The following VAPA variants were observed in gnomAD, a reference collection of about 807,000 sequenced individuals.
VAPA encodes the protein VAMP associated protein A.
A neutral mutation model predicts 25.6 loss-of-function variants in VAPA; 6 were observed. The observed-to-expected ratio is 0.23, with a 90% CI of 0.13 to 0.46. The LOEUF (loss-of-function observed/expected upper bound fraction) is 0.46, where lower values mean the gene tolerates loss of function less well. Among genes scored for constraint, VAPA ranks in the 20% least tolerant of loss-of-function variants. VAPA has a pLI of 0.99. For missense variants in VAPA, 244 were observed against 302.1 expected, an observed-to-expected ratio of 0.81 and a Z score of 1.43; for synonymous variants, 112 against 106.2, an observed-to-expected ratio of 1.05 and a Z score of -0.34.
intron 1 of VAPA, among the ~76,000 whole-genome samples, chr18:9,918,546 C>T (rs891795827): frequency 6.6e-6 from 1 of 152,160 alleles, no homozygotes; most frequent in Non-Finnish European, 1.5e-5. Context: ...ATTCTTCTGG[C>T]TTCTATAACA....
chr18:9,931,893 G>A lies in VAPA; in HGVS notation c.163G>A (p.Ala55Thr). ...RKVCFKVKTT[A>T]PRRYCVRPNS... ...AGTGTGTTTCAAAGTGAAGACTACA[G>A]CACCTCGCCGGTACTGTGTGAGGCC... The change falls in exon 2 of 6, where the codon GCA becomes ACA. Residue 55 changes from alanine to threonine, a missense_variant. By Grantham distance (58) the Ala-to-Thr change is moderately conservative. This residue lies in a region of VAPA where 99 missense variants were observed against 161.6 expected (regional missense o/e 0.61). Coordinates refer to ENST00000400000, the MANE Select transcript of VAPA (RefSeq NM_194434.3). 6.2e-7 allele frequency: 1 copy of A among 1,613,424 alleles called. No individual in the cohort carries two copies. Among genetic ancestry groups the A allele is most frequent in the Non-Finnish European group, 8.5e-7 (1 of 1,179,438 alleles).
At chr18:9,937,177 T>A (rs1172157741) in intron 4 of VAPA, 111 bp downstream of exon 4, 2 of 610,538 alleles carry the variant, frequency 3.3e-6, no homozygotes, top group Admixed American at 7.5e-5. Flanking sequence ...CTATTACACT[T>A]CATAAGACTC....
intron 2 of VAPA, among the ~76,000 whole-genome samples, chr18:9,934,489 C>T (rs180825945): frequency 6.6e-5 from 10 of 152,324 alleles, no homozygotes; most frequent in Admixed American, 6.5e-4. Context: ...ACATTTCCTG[C>T]TGCTGTGTAT....
In VAPA at chr18:9,954,346, C is replaced by A; in HGVS notation, c.*135C>A. The stretch of plus-strand genomic sequence containing the variant: ...TGTGTACAGCGTCATATAGGCTTTG[C>A]CTTTAATGATCTCTTACGGTTAGAA... On this transcript the variant is annotated 3_prime_UTR_variant, in exon 6 of 6. Transcript: ENST00000400000. The A allele has an allele frequency of 1.4e-6, 1 of 739,534 alleles. No individual in the cohort carries two copies. The highest frequency in any genetic ancestry group is 2.2e-6 in the Non-Finnish European group (1 of 452,912). 45.8% of individuals were successfully genotyped at this position (739,534 alleles called of 1,614,324 possible).
At chr18:9,919,952 G>A (rs2069142672) in intron 1 of VAPA, among the ~76,000 whole-genome samples, 1 of 152,192 alleles carries the variant, frequency 6.6e-6, no homozygotes, top group African/African-American at 2.4e-5. Flanking sequence ...TATTGGAGGT[G>A]ATGAAAAGTT....
intron 1 of VAPA, among the ~76,000 whole-genome samples, chr18:9,917,610 A>G (rs570290795): frequency 3.3e-5 from 5 of 152,374 alleles, no homozygotes; most frequent in African/African-American, 1.2e-4. Flanking sequence ...AAAAGTTTGA[A>G]GAAGAAAGTT....
At position 9,947,187 on chromosome 18, in the gene VAPA, A is replaced by G. The variant is rs186802603; in HGVS notation, c.418-3208A>G. Among the ~76,000 whole-genome samples the G allele has an allele frequency of 4.8e-5, 7 of 146,074 alleles. No individual in the cohort carries two copies. In the East Asian group the frequency reaches 1.2e-3, roughly 25 times the overall value. On this transcript the variant is annotated intron_variant, in intron 4 of 5. Transcript: ENST00000400000. ...GTGTCCTTTTTGTTTTCGTAAGTAG[A>G]AGGAGTACACTCTAAAATAAATGAT... is the stretch of plus-strand genomic sequence containing the variant.
At chr18:9,932,521 T>A (rs1025369414) in intron 2 of VAPA, among the ~76,000 whole-genome samples, 2 of 152,236 alleles carry the variant, frequency 1.3e-5, no homozygotes, top group Non-Finnish European at 2.9e-5. Context: ...GATTACTTAC[T>A]CCTGCTGTGG....
At chr18:9,918,236 CAT>C (rs2069128398) in intron 1 of VAPA, among the ~76,000 whole-genome samples, 1 of 152,190 alleles carries the variant, frequency 6.6e-6, no homozygotes, top group Non-Finnish European at 1.5e-5. Context: ...ATTGTTTTAA[CAT>C]ATAAATACAC....
At chr18:9,931,148 G>T (rs1004262623) in intron 1 of VAPA, among the ~76,000 whole-genome samples, 1 of 152,072 alleles carries the variant, frequency 6.6e-6, no homozygotes, top group Non-Finnish European at 1.5e-5. Context: ...AAATTAACAG[G>T]TATTTATTTT....
intron 2 of VAPA, among the ~76,000 whole-genome samples, chr18:9,932,181 G>T (rs1364730602): frequency 2.0e-5 from 3 of 152,118 alleles, no homozygotes; most frequent in Non-Finnish European, 4.4e-5. Flanking sequence ...AGAAATTATT[G>T]TCAATTACAA....
chr18:9,931,136 C>T (rs544420325), intron 1 of VAPA, among the ~76,000 whole-genome samples: 1 of 152,164 alleles, frequency 6.6e-6, no homozygotes, highest in East Asian at 1.9e-4. Flanking sequence ...TGTTCTTCCT[C>T]CAAATTAACA....
chr18:9,930,436 A>G (rs1416076009), intron 1 of VAPA, among the ~76,000 whole-genome samples: 1 of 152,144 alleles, frequency 6.6e-6, no homozygotes, highest in Admixed American at 6.5e-5. Context: ...TAAGACTTCT[A>G]GTTTTATCAG....
In VAPA at chr18:9,947,476, T is replaced by C. The variant is rs2069438082; in HGVS notation, c.418-2919T>C. Reference sequence around the variant, plus strand: ...GACCAAAACATCATTATACAGAACATGACTGGACAACTCAGATGGAGGATT... The same window carrying C: ...GACCAAAACATCATTATACAGAACACGACTGGACAACTCAGATGGAGGATT... On this transcript the variant is annotated intron_variant, in intron 4 of 5. Transcript: ENST00000400000. The C allele has an allele frequency of 2.0e-5, 3 of 152,232 alleles. No homozygotes were observed. The South Asian group carries it at 6.2e-4, about 32-fold the overall frequency. 9.4% of individuals were successfully genotyped at this position (152,232 alleles called of 1,614,324 possible).
At chr18:9,941,645 T>A (rs1417505756) in intron 4 of VAPA, among the ~76,000 whole-genome samples, 1 of 152,194 alleles carries the variant, frequency 6.6e-6, no homozygotes, top group African/African-American at 2.4e-5. Context: ...CTTTCTAGTA[T>A]CTGTAGATAA....
chr18:9,949,003 A>G (rs545496625), intron 4 of VAPA: 24 of 152,378 alleles, frequency 1.6e-4, no homozygotes, highest in African/African-American at 3.6e-4. Context: ...CAGTGTGCCA[A>G]CCTCATTATC....
chr18:9,946,196 G>A (rs191759523), intron 4 of VAPA, among the ~76,000 whole-genome samples: 1 of 152,294 alleles, frequency 6.6e-6, no homozygotes, highest in East Asian at 1.9e-4. Context: ...TAAGGATGGG[G>A]ATATATATTG....
chr18:9,950,358 GGTTA>G (rs765207056), intron 4 of VAPA, 33 bp from the exon 5 acceptor site: 2 of 1,591,400 alleles, frequency 1.3e-6, no homozygotes, highest in Admixed American at 1.8e-5. Flanking sequence ...AAGGAGATTT[GGTTA>G]GTTAAAAAAT....
intron 1 of VAPA, among the ~76,000 whole-genome samples, chr18:9,916,388 C>T (rs921929870): frequency 2.0e-5 from 3 of 152,110 alleles, no homozygotes; most frequent in Non-Finnish European, 4.4e-5. Flanking sequence ...AGGAAAGAAG[C>T]CCTTTCTCTA....
Sources: allele counts gnomAD v4.1 joint callset (sites outside exome capture counted in the v4.1 genomes callset), GRCh38; gene constraint gnomAD v4.1.1; regional missense constraint gnomAD v4.1.1; transcripts MANE v1.5; gene names NCBI Gene and HGNC (gene_info 2026-07-23, HGNC 2026-07-21).